Variants in STOX2 observed in about 807,000 individuals in gnomAD.
STOX2 encodes storkhead-box protein 2.
A neutral mutation model predicts 60.9 loss-of-function variants in STOX2; 28 were observed. The observed-to-expected ratio is 0.46, with a 90% confidence interval of 0.34 to 0.63. The LOEUF is 0.63. STOX2 is among the 30% of genes least tolerant of loss of function. The pLI, the probability that STOX2 is intolerant of heterozygous loss-of-function variation, is 0.01. For missense variants in STOX2, 1,024 were observed against 1,187.7 expected (o/e 0.86, Z 2.03); for synonymous variants, 472 against 463.9 (o/e 1.02, Z -0.22).
At chr4:183,899,392 T>A (rs1390486702) in intron 1 of STOX2, among the ~76,000 whole-genome samples, 1 of 152,178 alleles carries the variant, frequency 6.6e-6, no homozygotes, top group Non-Finnish European at 1.5e-5. Flanking sequence ...AAAAGATAGG[T>A]CTCTTGTGCC....
intron 1 of STOX2, among the ~76,000 whole-genome samples, chr4:183,964,586 TTTTTG>T (rs1743506483): frequency 1.3e-5 from 2 of 152,040 alleles, no homozygotes; most frequent in South Asian, 4.1e-4. Flanking sequence ...TGGTGAGTCG[TTTTTG>T]TTTTGTTTTG....
chr4:183,923,809 G>T (rs74660063), intron 1 of STOX2, among the ~76,000 whole-genome samples: 9,760 of 152,104 alleles, frequency 0.064, 403 homozygotes, highest in South Asian at 0.11. Flanking sequence ...GCTGTGAGGG[G>T]TGTGGCATGG....
intron 1 of STOX2, among the ~76,000 whole-genome samples, chr4:183,894,759 C>T (rs185375664): frequency 1.3e-5 from 2 of 152,132 alleles, no homozygotes; most frequent in African/African-American, 2.4e-5. Context: ...TCTGTGGTGA[C>T]CTGCAAACAG....
At position 184,009,327 on chromosome 4, in the gene STOX2, G is replaced by T; in HGVS notation, c.489G>T (p.Arg163Ser). The T allele has an allele frequency of 6.2e-7, 1 of 1,613,922 alleles. No homozygotes were observed. Among genetic ancestry groups the T allele is most frequent in the Non-Finnish European group, 8.5e-7 (1 of 1,179,870 alleles). ...GTAAATGGTACCATTTGGACGAGAG[G>T]ATACCTGACCGGTCTCAGTGCACCT... ...TNSKWYHLDE[R>S]IPDRSQCTSP... Residue 163 changes from arginine to serine, a missense_variant, in exon 3 of 4, where the codon AGG (arginine) becomes AGT (serine). Arg to Ser is a moderately radical substitution (Grantham distance 110). Coordinates refer to ENST00000308497, the MANE Select transcript of STOX2 (RefSeq NM_020225.3). The surrounding 1 kb of genome is among the most constrained non-coding windows in gnomAD (Gnocchi z 4.0).
intron 1 of STOX2, among the ~76,000 whole-genome samples, chr4:183,969,059 C>A (rs1414616895): frequency 6.6e-6 from 1 of 152,206 alleles, no homozygotes; most frequent in African/African-American, 2.4e-5. Context: ...AGGTGTGGAA[C>A]TTTAAAGAGG....
chr4:183,938,985 C>T (rs1224148395), intron 1 of STOX2, among the ~76,000 whole-genome samples: 1 of 151,950 alleles, frequency 6.6e-6, no homozygotes, highest in Non-Finnish European at 1.5e-5. Flanking sequence ...AAAATGCAGG[C>T]CATTAATAAA....
At chr4:183,887,138 C>A (rs952963011) in intron 1 of STOX2, among the ~76,000 whole-genome samples, 3 of 152,130 alleles carry the variant, frequency 2.0e-5, no homozygotes, top group Non-Finnish European at 4.4e-5. Flanking sequence ...GTGGTGCATG[C>A]CTGTAGTCCC....
intron 1 of STOX2, among the ~76,000 whole-genome samples, chr4:183,956,343 T>A (rs1451933855): frequency 1.3e-5 from 2 of 152,072 alleles, no homozygotes; most frequent in Non-Finnish European, 2.9e-5. Context: ...TACTAATTGT[T>A]AACATTTTGC....
intron 1 of STOX2, among the ~76,000 whole-genome samples, chr4:183,828,708 A>G (rs551422363): frequency 6.6e-6 from 1 of 152,362 alleles, no homozygotes; most frequent in East Asian, 1.9e-4. Context: ...ATGAGCCAGC[A>G]TTCAGATAAC....
chr4:183,830,744 C>T (rs981742944), intron 1 of STOX2, among the ~76,000 whole-genome samples: 4 of 152,130 alleles, frequency 2.6e-5, no homozygotes. Context: ...ATGAACTTCA[C>T]TGTCAGCTGA....
At chr4:183,978,639 CA>C (rs1365978950) in intron 1 of STOX2, among the ~76,000 whole-genome samples, 1 of 152,200 alleles carries the variant, frequency 6.6e-6, no homozygotes, top group East Asian at 1.9e-4. Flanking sequence ...CCAGCAATCC[CA>C]TTCCTAGTAC....
intron 1 of STOX2, among the ~76,000 whole-genome samples, chr4:183,917,135 T>C (rs1741954579): frequency 6.6e-6 from 1 of 152,234 alleles, no homozygotes; most frequent in Non-Finnish European, 1.5e-5. Flanking sequence ...AATGTATAGA[T>C]ACGGGGACAC....
At chr4:183,999,110 G>A (rs1733474198) in intron 1 of STOX2, among the ~76,000 whole-genome samples, 1 of 151,630 alleles carries the variant, frequency 6.6e-6, no homozygotes, top group African/African-American at 2.4e-5. Flanking sequence ...TTTTTTGTAG[G>A]AAAAAAAAGG....
At chr4:183,814,419 A>C (rs1490337541) in intron 1 of STOX2, among the ~76,000 whole-genome samples, 1 of 152,208 alleles carries the variant, frequency 6.6e-6, no homozygotes, top group Non-Finnish European at 1.5e-5. Context: ...CTTAATTTTT[A>C]TAAATGGCTC....
At chr4:183,951,198 G>C (rs1191348289) in intron 1 of STOX2, among the ~76,000 whole-genome samples, 1 of 146,258 alleles carries the variant, frequency 6.8e-6, no homozygotes, top group Admixed American at 6.9e-5. Context: ...CTGGGCGACA[G>C]AGCGAGACTC....
intron 1 of STOX2, among the ~76,000 whole-genome samples, chr4:183,950,712 C>G (rs944114396): frequency 6.6e-6 from 1 of 152,152 alleles, no homozygotes; most frequent in Non-Finnish European, 1.5e-5. Flanking sequence ...CTGCTGGGGA[C>G]TCCAGACAAG....
At chr4:183,840,838 T>C (rs922597771) in intron 1 of STOX2, among the ~76,000 whole-genome samples, 11 of 152,206 alleles carry the variant, frequency 7.2e-5, no homozygotes, top group African/African-American at 2.7e-4. Context: ...CTGCACACTG[T>C]GGATCTGCGG....
chr4:183,955,903 C>T (rs189885884), intron 1 of STOX2, among the ~76,000 whole-genome samples: 2 of 152,246 alleles, frequency 1.3e-5, no homozygotes, highest in Non-Finnish European at 2.9e-5. Context: ...TTTTCTCTTG[C>T]GCCAGTTTCC....
chr4:183,892,758 C>A (rs1403189017), intron 1 of STOX2, among the ~76,000 whole-genome samples: 3 of 151,600 alleles, frequency 2.0e-5, no homozygotes, highest in African/African-American at 7.2e-5. Flanking sequence ...AACCTCTCCT[C>A]CGAGGCAGTT....
Sources: allele counts gnomAD v4.1 joint callset (sites outside exome capture counted in the v4.1 genomes callset), GRCh38; gene constraint gnomAD v4.1.1; non-coding constraint Gnocchi (gnomAD v3.1); transcripts MANE v1.5; gene names NCBI Gene and HGNC (gene_info 2026-07-23, HGNC 2026-07-21).